Variants in PARVA observed in about 807,000 individuals in gnomAD.
The protein encoded by PARVA is parvin alpha.
Under a neutral mutation model 52.6 loss-of-function variants are expected in PARVA, and 25 were observed. That is an observed-to-expected ratio of 0.48 (90% CI 0.35 to 0.66). The LOEUF is 0.66. Ranked by LOEUF, PARVA falls within the 30% of genes least tolerant of loss-of-function variation. The pLI is 0.01. For synonymous variants in PARVA, 185 were observed against 179.1 expected (o/e 1.03, Z -0.26); for missense variants, 373 against 450.9 (o/e 0.83, Z 1.56).
intron 1 of PARVA, among the ~76,000 whole-genome samples, chr11:12,467,461 G>A (rs1263066897): frequency 6.6e-6 from 1 of 152,166 alleles, no homozygotes; most frequent in African/African-American, 2.4e-5. Flanking sequence ...ATTTTTAGGG[G>A]CAAAGCATCC....
chr11:12,524,746 G>T (rs543458113), intron 12 of PARVA, among the ~76,000 whole-genome samples: 2 of 151,958 alleles, frequency 1.3e-5, no homozygotes, highest in Non-Finnish European at 2.9e-5. Context: ...TTCCAAGACG[G>T]TGGGCAACCA....
rs369406331 is a variant in PARVA, at chr11:12,451,156, A to G, written c.137-22589A>G. ...TGCTTTCCTGTGGCTCTTTCTTTCC[A>G]CTAGACCTCAAAACTGCCCCATGAG... On this transcript the variant is annotated intron_variant, in intron 1 of 12. Transcript: ENST00000334956. Among the ~76,000 whole-genome samples, 20 of 152,102 alleles carry G rather than the reference A, an allele frequency of 1.3e-4. No individual in the cohort carries two copies. In the East Asian group the frequency reaches 1.4e-3, roughly 10 times the overall value.
chr11:12,422,590 T>G (rs1449136292), intron 1 of PARVA, among the ~76,000 whole-genome samples: 1 of 31,824 alleles, frequency 3.1e-5, no homozygotes, highest in Non-Finnish European at 7.3e-5. Flanking sequence ...ACCTTCCCTG[T>G]GTTAGCTTAT....
At position 12,503,659 on chromosome 11, in the gene PARVA, A is replaced by C. The variant is rs1309702841; in HGVS notation, c.542-655A>C. Among the ~76,000 whole-genome samples the C allele has an allele frequency of 2.6e-5, 4 of 152,130 alleles. No individual in the cohort carries two copies. The East Asian group carries it at 5.8e-4, about 22-fold the overall frequency. On this transcript the variant is annotated intron_variant, in intron 5 of 12. Coordinates refer to ENST00000334956, the MANE Select transcript of PARVA (RefSeq NM_018222.5). ...CAAGGCGGGAGGATTGCTTGAGCCTAGGAGTTCGAGGCTGCAGTGAGCTAG... is the reference window on the plus strand; with the variant it reads ...CAAGGCGGGAGGATTGCTTGAGCCTCGGAGTTCGAGGCTGCAGTGAGCTAG...
chr11:12,531,827 G>A lies in PARVA; in HGVS notation c.*3902G>A, dbSNP rs1422120933. On this transcript the variant is annotated 3_prime_UTR_variant, in exon 13 of 13. Transcript: ENST00000334956. The stretch of plus-strand genomic sequence containing the variant: ...GAAAACAAGAGAGCTGCATTAAGCT[G>A]CAAGGCCGGGTAGGGTAGGTAGACT... Among the ~76,000 whole-genome samples the A allele has an allele frequency of 2.0e-5, 3 of 152,096 alleles. No individual in the cohort carries two copies. Among genetic ancestry groups the A allele is most frequent in the Admixed American group, 6.5e-5 (1 of 15,268 alleles).
chr11:12,522,159 T>G (rs1354459412), intron 12 of PARVA, among the ~76,000 whole-genome samples: 1 of 152,226 alleles, frequency 6.6e-6, no homozygotes, highest in Admixed American at 6.5e-5. Context: ...ATACCCATGA[T>G]AGCATAGGCT....
chr11:12,407,282 G>T (rs1183476432), intron 1 of PARVA, among the ~76,000 whole-genome samples: 1 of 152,046 alleles, frequency 6.6e-6, no homozygotes, highest in Non-Finnish European at 1.5e-5. Context: ...CTTTTTTAAG[G>T]CTTATTTCTG....
chr11:12,478,943 A>G (rs1036757361), intron 4 of PARVA: 10 of 152,262 alleles, frequency 6.6e-5, no homozygotes, highest in African/African-American at 2.2e-4. Context: ...CCTTGGCACA[A>G]CATTCAAAGC....
chr11:12,440,169 C>T (rs1940443923), intron 1 of PARVA, among the ~76,000 whole-genome samples: 1 of 152,222 alleles, frequency 6.6e-6, no homozygotes, highest in African/African-American at 2.4e-5. Flanking sequence ...GAATAAATGG[C>T]CAACGACCAA....
intron 1 of PARVA, among the ~76,000 whole-genome samples, chr11:12,395,105 A>AAG (rs1555030351): frequency 0.014 from 2,032 of 148,984 alleles, 61 homozygotes; most frequent in African/African-American, 0.049. Flanking sequence ...AAAAAAAAAA[A>AAG]AAAGAAAGAA....
chr11:12,391,620 A>G (rs1489585425), intron 1 of PARVA, among the ~76,000 whole-genome samples: 1 of 152,204 alleles, frequency 6.6e-6, no homozygotes, highest in Non-Finnish European at 1.5e-5. Flanking sequence ...CTACCTGCAT[A>G]TGCTGCTAAC....
At chr11:12,459,197 T>TCTCTC (rs1940739874) in intron 1 of PARVA, among the ~76,000 whole-genome samples, 1 of 151,776 alleles carries the variant, frequency 6.6e-6, no homozygotes, top group Non-Finnish European at 1.5e-5. Flanking sequence ...GGCCCAGGGG[T>TCTCTC]TCGAGACCAG....
chr11:12,382,343 A>G (rs1939503082), intron 1 of PARVA, among the ~76,000 whole-genome samples: 1 of 148,472 alleles, frequency 6.7e-6, no homozygotes, highest in South Asian at 2.1e-4. Flanking sequence ...ACAAGTATTG[A>G]TGTATATTTT....
intron 1 of PARVA, among the ~76,000 whole-genome samples, chr11:12,426,197 G>C (rs1367679709): frequency 6.6e-6 from 1 of 152,240 alleles, no homozygotes; most frequent in Non-Finnish European, 1.5e-5. Context: ...AAGTTAGCCT[G>C]GGTGGTTGAG....
intron 1 of PARVA, among the ~76,000 whole-genome samples, chr11:12,433,434 A>G (rs1187845704): frequency 6.6e-6 from 1 of 152,252 alleles, no homozygotes; most frequent in African/African-American, 2.4e-5. Context: ...AGAATCAGCA[A>G]TGAAGGAAGC....
Position 12,418,808 on chromosome 11 carries a change from T to C in PARVA, c.136+41025T>C, listed in dbSNP as rs537359198. 2.0e-5 allele frequency among the ~76,000 whole-genome samples: 3 copies of C among 152,296 alleles called. No individual in the cohort carries two copies. In the South Asian group the frequency reaches 6.2e-4, roughly 32 times the overall value. On this transcript the variant is annotated intron_variant, in intron 1 of 12. Coordinates refer to ENST00000334956, the MANE Select transcript of PARVA (RefSeq NM_018222.5). Reference sequence around the variant, plus strand: ...AAATGCCACAACATAGGAAAGCACTTTGAATGCTGCCTTGCACCCTGTAAC... The same window carrying C: ...AAATGCCACAACATAGGAAAGCACTCTGAATGCTGCCTTGCACCCTGTAAC...
chr11:12,474,586 C>A (rs1404806434), intron 3 of PARVA, among the ~76,000 whole-genome samples: 1 of 152,158 alleles, frequency 6.6e-6, no homozygotes, highest in East Asian at 1.9e-4. Context: ...CATCCCAGCA[C>A]TCTGCGGAGG....
chr11:12,528,182 G>C lies in PARVA; in HGVS notation c.*257G>C. 2 of 508,492 alleles carry C rather than the reference G, an allele frequency of 3.9e-6. No individual in the cohort carries two copies. The highest frequency in any genetic ancestry group is 3.1e-5 in the East Asian group (1 of 32,666). The allele number at this position is 508,492 out of a possible 1,614,324, so 31.5% of individuals were successfully genotyped here. On this transcript the variant is annotated 3_prime_UTR_variant, in exon 13 of 13. Transcript: ENST00000334956. ...AAGGTTGTTCCCTTCCCGGTGCCAG[G>C]TCCAGATTTCCCTCCATGATTTGGG...
intron 1 of PARVA, among the ~76,000 whole-genome samples, chr11:12,444,801 C>T (rs1940522721): frequency 6.6e-6 from 1 of 152,128 alleles, no homozygotes; most frequent in South Asian, 2.1e-4. Flanking sequence ...GAGACCTCAG[C>T]GTTGGCCCTA....
Sources: allele counts gnomAD v4.1 joint callset (sites outside exome capture counted in the v4.1 genomes callset), GRCh38; gene constraint gnomAD v4.1.1; transcripts MANE v1.5; gene names NCBI Gene and HGNC (gene_info 2026-07-23, HGNC 2026-07-21).